UTRN: variants seen among roughly 807,000 people sequenced by gnomAD.
UTRN encodes dystrophin-related protein 1.
UTRN carries 283 observed loss-of-function variants against 463.9 expected under a neutral mutation model. The observed-to-expected ratio is 0.61, with a 90% confidence interval of 0.55 to 0.67. UTRN has a LOEUF of 0.67. Ranked by LOEUF, UTRN falls within the 30% of genes least tolerant of loss-of-function variation. The probability of loss-of-function intolerance (pLI) is 0.00; values close to 1 mark genes in which losing one functional copy is unlikely to be tolerated. For missense variants in UTRN, 3,922 were observed against 4,084.3 expected (o/e 0.96, Z 1.08); for synonymous variants, 1,442 against 1,431.5 (o/e 1.01, Z -0.17).
chr6:144,827,445 G>T, intron 67 of UTRN, 59 bp downstream of exon 67: 4 of 1,609,674 alleles, frequency 2.5e-6, no homozygotes. Context: ...CTAGCATGGG[G>T]GTCTTACTAA....
At chr6:144,442,350 G>A (rs1787262633) in intron 13 of UTRN, among the ~76,000 whole-genome samples, 1 of 152,036 alleles carries the variant, frequency 6.6e-6, no homozygotes, top group African/African-American at 2.4e-5. Flanking sequence ...CTTCTTCTGA[G>A]CTCTCCAAAT....
intron 23 of UTRN, among the ~76,000 whole-genome samples, chr6:144,472,807 C>T (rs956138001): frequency 6.0e-5 from 9 of 149,484 alleles, no homozygotes; most frequent in Non-Finnish European, 1.2e-4. Flanking sequence ...CTTGCTCTGT[C>T]GCCAGGCTGG....
intron 51 of UTRN, among the ~76,000 whole-genome samples, chr6:144,585,675 G>A (rs1205548920): frequency 1.3e-5 from 2 of 152,066 alleles, no homozygotes; most frequent in African/African-American, 4.8e-5. Context: ...ATACTTAATT[G>A]TATTTTAATT....
intron 51 of UTRN, among the ~76,000 whole-genome samples, chr6:144,670,794 T>C (rs1041012272): frequency 6.6e-6 from 1 of 152,222 alleles, no homozygotes; most frequent in South Asian, 2.1e-4. Context: ...CTTTGATCCA[T>C]CTTGAATTGA....
intron 51 of UTRN, among the ~76,000 whole-genome samples, chr6:144,641,808 G>A (rs1309122724): frequency 6.6e-6 from 1 of 152,126 alleles, no homozygotes; most frequent in African/African-American, 2.4e-5. Context: ...CTCAAGACCC[G>A]AATAATATTG....
intron 51 of UTRN, among the ~76,000 whole-genome samples, chr6:144,593,289 T>C (rs907388776): frequency 3.9e-5 from 6 of 152,186 alleles, no homozygotes; most frequent in African/African-American, 1.4e-4. Context: ...GGAATGGGCT[T>C]GAGCAGGTGG....
chr6:144,631,363 A>G (rs1437299282), intron 51 of UTRN, among the ~76,000 whole-genome samples: 4 of 152,036 alleles, frequency 2.6e-5, no homozygotes, highest in Non-Finnish European at 5.9e-5. Context: ...AGCAATGCTG[A>G]TCTTAGGATA....
At chr6:144,665,662 G>A (rs1445229895) in intron 51 of UTRN, among the ~76,000 whole-genome samples, 3 of 152,204 alleles carry the variant, frequency 2.0e-5, no homozygotes, top group Non-Finnish European at 4.4e-5. Flanking sequence ...AGTGGGTGTT[G>A]TTTACAGAAA....
chr6:144,686,654 T>C (rs920738984), intron 52 of UTRN, among the ~76,000 whole-genome samples: 9 of 151,662 alleles, frequency 5.9e-5, no homozygotes, highest in African/African-American at 2.2e-4. Flanking sequence ...ACCTTCTTTG[T>C]CTTTTTTTTT....
At chr6:144,823,844 A>G (rs61088924) in intron 66 of UTRN, among the ~76,000 whole-genome samples, 17,107 of 152,236 alleles carry the variant, frequency 0.11, 1,118 homozygotes, top group South Asian at 0.18. Context: ...TAAAAAAAGT[A>G]AAATAGACAC....
intron 41 of UTRN, among the ~76,000 whole-genome samples, chr6:144,526,268 G>A (rs1281608242): frequency 6.6e-6 from 1 of 152,164 alleles, no homozygotes; most frequent in East Asian, 1.9e-4. Context: ...CTTGTCTAGT[G>A]CTATCAGTGG....
At chr6:144,520,561 C>T (rs1406037190) in intron 39 of UTRN, among the ~76,000 whole-genome samples, 1 of 152,090 alleles carries the variant, frequency 6.6e-6, no homozygotes, top group Non-Finnish European at 1.5e-5. Flanking sequence ...ATGTATAGAC[C>T]TGCTTCTAAC....
chr6:144,346,890 C>G (rs1046767568), intron 2 of UTRN, among the ~76,000 whole-genome samples: 42 of 151,974 alleles, frequency 2.8e-4, no homozygotes, highest in Admixed American at 9.8e-4. Flanking sequence ...ATCTATCTAT[C>G]TATCTATCTA....
intron 51 of UTRN, among the ~76,000 whole-genome samples, chr6:144,671,939 C>T (rs184685737): frequency 6.6e-6 from 1 of 152,068 alleles, no homozygotes; most frequent in African/African-American, 2.4e-5. Flanking sequence ...GTTTTTAATT[C>T]TATTATGTGT....
intron 53 of UTRN, among the ~76,000 whole-genome samples, chr6:144,714,339 G>A (rs1456204674): frequency 6.6e-6 from 1 of 152,146 alleles, no homozygotes; most frequent in East Asian, 1.9e-4. Flanking sequence ...TTTGTCTCAT[G>A]TTTGCATCAT....
At position 144,327,990 on chromosome 6, in the gene UTRN, A is replaced by G. The variant is rs954274198; in HGVS notation, c.79+36083A>G. Among the ~76,000 whole-genome samples the G allele has an allele frequency of 2.6e-5, 4 of 152,128 alleles. No homozygotes were observed. The South Asian group carries it at 8.3e-4, about 32-fold the overall frequency. ...ACAAAGCAAAACGAAACAAAAAACA[A>G]CGGAAGTTAGATGGGGCTGAATTTC... On this transcript the variant is annotated intron_variant, in intron 2 of 74. Coordinates refer to ENST00000367545, the MANE Select transcript of UTRN (RefSeq NM_007124.3).
intron 48 of UTRN, 146 bp from the exon 49 acceptor site, chr6:144,554,542 A>G (rs2128613613): frequency 5.1e-6 from 4 of 783,038 alleles, no homozygotes; most frequent in East Asian, 5.5e-5. Context: ...TGGCAGATGT[A>G]TATTAAAATT....
chr6:144,413,471 A>G (rs1358681328), intron 3 of UTRN, among the ~76,000 whole-genome samples: 1 of 152,174 alleles, frequency 6.6e-6, no homozygotes, highest in African/African-American at 2.4e-5. Flanking sequence ...GAGAGAGAGC[A>G]TGTGCAGGGA....
In UTRN at chr6:144,700,105, C is replaced by A. The variant is rs141066433; in HGVS notation, c.7671C>A (p.Ser2557Arg). ...TCAACAGGGCCCATTTGGAGGCCAG[C>A]GCTGAGAAGTGGAACAGGTTGCTGA... is the stretch of plus-strand genomic sequence containing the variant. Reference protein sequence around the residue: ...SASIRAHLEASAEKWNRLLMS... With the variant: ...SASIRAHLEARAEKWNRLLMS... Residue 2557 changes from serine (S) to arginine (R), a missense_variant, in exon 53 of 75, where the codon AGC becomes AGA. Physicochemically the swap from Ser to Arg is moderately radical, Grantham distance 110 (BLOSUM62 -1). Transcript: ENST00000367545. 1.2e-6 allele frequency: 2 copies of A among 1,607,448 alleles called. No homozygotes were observed. Among genetic ancestry groups the A allele is most frequent in the African/African-American group, 1.3e-5 (1 of 74,824 alleles).
Sources: gnomAD v4.1 joint callset for allele counts (sites outside exome capture counted in the v4.1 genomes callset) on GRCh38, gnomAD v4.1.1 for gene constraint, MANE v1.5 for transcripts, NCBI Gene and HGNC (gene_info 2026-07-23, HGNC 2026-07-21) for gene names.